OPCML: variants seen among roughly 807,000 people sequenced by gnomAD.
OPCML encodes opioid binding protein/cell adhesion molecule like, also known as opioid-binding protein/cell adhesion molecule.
A neutral mutation model predicts 37.8 loss-of-function variants in OPCML; 13 were observed. The observed-to-expected ratio is 0.34, with a 90% CI of 0.22 to 0.55. The LOEUF is 0.55. Ranked by LOEUF, OPCML falls within the 20% of genes least tolerant of loss-of-function variation. OPCML has a pLI of 0.91. For missense variants in OPCML, 341 were observed against 435.6 expected (o/e 0.78, Z 1.93); for synonymous variants, 176 against 168.8 (o/e 1.04, Z -0.33).
rs183380946 is a variant in OPCML, at chr11:133,490,996, C to T, written c.61+41268G>A. On this transcript the variant is annotated intron_variant, in intron 1 of 7. Transcript: ENST00000524381. ...CTAAGTGTCTTGCTTGCTGCTATATCCCCTGTACCTAGAACACTGCCTGAC... is the reference window on the plus strand; with the variant it reads ...CTAAGTGTCTTGCTTGCTGCTATATTCCCTGTACCTAGAACACTGCCTGAC... 2.1e-4 allele frequency among the ~76,000 whole-genome samples: 32 copies of T among 152,338 alleles called. No homozygotes were observed. In the East Asian group the frequency reaches 6.2e-3, roughly 29 times the overall value.
At chr11:133,096,792 T>TA (rs1227126747) in intron 1 of OPCML, among the ~76,000 whole-genome samples, 1 of 151,922 alleles carries the variant, frequency 6.6e-6, no homozygotes, top group Non-Finnish European at 1.5e-5. Flanking sequence ...TCATCAGAGA[T>TA]AGAGATGGGG....
At chr11:132,700,240 T>TA (rs1245951452) in intron 2 of OPCML, among the ~76,000 whole-genome samples, 2 of 152,074 alleles carry the variant, frequency 1.3e-5, no homozygotes, top group Non-Finnish European at 2.9e-5. Flanking sequence ...TTTGTCCTTT[T>TA]AAAAAACAAC....
At chr11:132,715,150 C>T (rs1030974329) in intron 2 of OPCML, among the ~76,000 whole-genome samples, 6 of 152,164 alleles carry the variant, frequency 3.9e-5, no homozygotes, top group East Asian at 1.9e-4. Flanking sequence ...TCCCTCTCTC[C>T]GGAGTATCAT....
intron 3 of OPCML, among the ~76,000 whole-genome samples, chr11:132,621,613 G>A (rs1457696702): frequency 6.6e-6 from 1 of 152,176 alleles, no homozygotes; most frequent in African/African-American, 2.4e-5. Flanking sequence ...TGATGTTTGG[G>A]GAGGGATTAA....
chr11:132,501,054 C>A (rs2096244442), intron 4 of OPCML, among the ~76,000 whole-genome samples: 1 of 151,812 alleles, frequency 6.6e-6, no homozygotes, highest in East Asian at 1.9e-4. Flanking sequence ...ATTTATAATC[C>A]TTTGGGTATA....
At chr11:132,753,642 A>T (rs1046536069) in intron 2 of OPCML, among the ~76,000 whole-genome samples, 1 of 152,230 alleles carries the variant, frequency 6.6e-6, no homozygotes, top group Non-Finnish European at 1.5e-5. Flanking sequence ...GTCAATCTGC[A>T]TAGTGCAGTG....
rs563079226 is a variant in OPCML at position 132,574,065 on chromosome 11, T to C, written c.380-44879A>G. 4.6e-5 allele frequency among the ~76,000 whole-genome samples: 7 copies of C among 152,016 alleles called. No individual in the cohort carries two copies. The East Asian group carries it at 1.4e-3, about 29-fold the overall frequency. On this transcript the variant is annotated intron_variant, in intron 3 of 7. Transcript: ENST00000524381. ...CTTTTTTATTTTAAATGGTGCCAGATGTAAACTCTCTTCTTTCAATTATGA... is the reference window on the plus strand; with the variant it reads ...CTTTTTTATTTTAAATGGTGCCAGACGTAAACTCTCTTCTTTCAATTATGA...
intron 1 of OPCML, among the ~76,000 whole-genome samples, chr11:133,200,990 T>G (rs188371360): frequency 5.3e-5 from 8 of 152,306 alleles, no homozygotes; most frequent in African/African-American, 1.4e-4. Context: ...AAACATGGGT[T>G]TAGCTGGAGG....
intron 7 of OPCML, among the ~76,000 whole-genome samples, chr11:132,430,763 C>G (rs1265077717): frequency 6.6e-6 from 1 of 152,198 alleles, no homozygotes; most frequent in African/African-American, 2.4e-5. Context: ...CCCCCTCCGT[C>G]TTGGCTTTGT....
At chr11:132,457,488 G>A (rs2096086540) in intron 4 of OPCML, among the ~76,000 whole-genome samples, 1 of 152,166 alleles carries the variant, frequency 6.6e-6, no homozygotes, top group African/African-American at 2.4e-5. Context: ...GATTATGGAT[G>A]CTCCGTCAGT....
intron 1 of OPCML, among the ~76,000 whole-genome samples, chr11:133,264,557 G>A (rs138941650): frequency 4.6e-5 from 7 of 152,178 alleles, no homozygotes; most frequent in East Asian, 1.9e-4. Flanking sequence ...AGTCCTATGC[G>A]GTGAATGCAC....
intron 4 of OPCML, among the ~76,000 whole-genome samples, chr11:132,481,204 C>T (rs900653908): frequency 6.6e-6 from 1 of 151,970 alleles, no homozygotes; most frequent in Non-Finnish European, 1.5e-5. Flanking sequence ...CACACATAGG[C>T]TCAAAATAAA....
chr11:132,814,383 A>G (rs1031313809), intron 2 of OPCML, among the ~76,000 whole-genome samples: 1 of 152,170 alleles, frequency 6.6e-6, no homozygotes, highest in Non-Finnish European at 1.5e-5. Context: ...CAGTGGTATA[A>G]TTCAGTCCAG....
intron 2 of OPCML, among the ~76,000 whole-genome samples, chr11:132,758,591 GCTCT>G (rs1427015276): frequency 6.6e-6 from 1 of 152,028 alleles, no homozygotes; most frequent in African/African-American, 2.4e-5. Context: ...TCGTGATTTG[GCTCT>G]CTGTTTATCT....
At chr11:133,039,131 C>G (rs1312824531) in intron 1 of OPCML, among the ~76,000 whole-genome samples, 3 of 152,198 alleles carry the variant, frequency 2.0e-5, no homozygotes, top group Non-Finnish European at 4.4e-5. Context: ...GAGTGCATTC[C>G]ACAGGCGGAG....
intron 2 of OPCML, among the ~76,000 whole-genome samples, chr11:132,708,709 A>AG (rs1205845908): frequency 6.6e-6 from 1 of 152,214 alleles, no homozygotes; most frequent in Non-Finnish European, 1.5e-5. Flanking sequence ...AAGTTCATTA[A>AG]TTGGAGAAGG....
At chr11:132,865,492 A>G (rs1452866451) in intron 2 of OPCML, among the ~76,000 whole-genome samples, 1 of 152,164 alleles carries the variant, frequency 6.6e-6, no homozygotes, top group Non-Finnish European at 1.5e-5. Flanking sequence ...AGCTACCATC[A>G]CTTCTAGGCC....
intron 1 of OPCML, among the ~76,000 whole-genome samples, chr11:133,032,578 A>G (rs986363763): frequency 6.6e-6 from 1 of 152,246 alleles, no homozygotes. Context: ...TCACAGCAGT[A>G]AATGGCAAAA....
intron 4 of OPCML, among the ~76,000 whole-genome samples, chr11:132,492,718 C>T (rs796528797): frequency 5.9e-5 from 9 of 152,196 alleles, no homozygotes; most frequent in South Asian, 4.2e-4. Flanking sequence ...AAATCAATAG[C>T]GTTTAAAAGC....
Sources: gnomAD v4.1 joint callset for allele counts (sites outside exome capture counted in the v4.1 genomes callset) on GRCh38, gnomAD v4.1.1 for gene constraint, MANE v1.5 for transcripts, NCBI Gene and HGNC (gene_info 2026-07-23, HGNC 2026-07-21) for gene names.